ROBO2: variants seen among roughly 807,000 people sequenced by gnomAD.
ROBO2 encodes the protein roundabout homolog 2.
ROBO2 carries 53 observed loss-of-function variants against 160.8 expected under a neutral mutation model. The ratio of observed to expected loss-of-function variants is 0.33; its 90% confidence interval spans 0.26 to 0.41. The LOEUF (loss-of-function observed/expected upper bound fraction) is 0.41, where lower values mean the gene tolerates loss of function less well. ROBO2 is among the 10% of genes least tolerant of loss of function. ROBO2 has a pLI of 1.00. For synonymous variants in ROBO2, 664 were observed against 611.7 expected (o/e 1.09, Z -1.26); for missense variants, 1,577 against 1,722.4 (o/e 0.92, Z 1.49).
At chr3:76,382,590 A>C (rs1185142957) in intron 2 of ROBO2, among the ~76,000 whole-genome samples, 1 of 152,230 alleles carries the variant, frequency 6.6e-6, no homozygotes, top group African/African-American at 2.4e-5. Flanking sequence ...CCGTCTCAAA[A>C]ACAAACAAAC....
chr3:76,918,222 C>T (rs571874510), intron 2 of ROBO2, among the ~76,000 whole-genome samples: 1 of 152,174 alleles, frequency 6.6e-6, no homozygotes, highest in East Asian at 1.9e-4. Flanking sequence ...CATTGGATCA[C>T]GGAGGTGGTT....
chr3:76,236,095 T>A (rs1347742902), intron 2 of ROBO2, among the ~76,000 whole-genome samples: 1 of 152,154 alleles, frequency 6.6e-6, no homozygotes, highest in African/African-American at 2.4e-5. Context: ...CAGTTATGTT[T>A]TTTTGTTCTA....
At chr3:76,000,684 G>A (rs1213983981) in intron 2 of ROBO2, among the ~76,000 whole-genome samples, 2 of 151,730 alleles carry the variant, frequency 1.3e-5, no homozygotes, top group Non-Finnish European at 2.9e-5. Context: ...TAGAAATGGG[G>A]TTTCACCGTG....
intron 2 of ROBO2, among the ~76,000 whole-genome samples, chr3:77,413,467 G>A (rs1017146980): frequency 2.0e-5 from 3 of 152,108 alleles, no homozygotes; most frequent in South Asian, 2.1e-4. Flanking sequence ...GATGCTAAGC[G>A]AGACAGGAAT....
In ROBO2 at chr3:77,294,788, A is replaced by T. The variant is rs996819960; in HGVS notation, c.389-182626A>T. ...AGACACAAAGTAAAATTGACGGTTA[A>T]ACGGGTAAGCTGAGGCTAGATCACC... On this transcript the variant is annotated intron_variant, in intron 2 of 25. Coordinates refer to ENST00000461745, the Ensembl canonical transcript of ROBO2. 2.0e-4 allele frequency among the ~76,000 whole-genome samples: 31 copies of T among 151,240 alleles called. No homozygotes were observed. The South Asian group carries it at 4.4e-3, about 21-fold the overall frequency.
rs146861085 is a variant in ROBO2, at chr3:76,050,472, T to C, written c.109+112870T>C. 1.8e-3 allele frequency among the ~76,000 whole-genome samples: 271 copies of C among 152,242 alleles called. 1 individual carries two copies. Among genetic ancestry groups the C allele is most frequent in the African/African-American group, 6.2e-3 (257 of 41,526 alleles). ...AGATGGCGTATTGGGGGCTTCACCT[T>C]ATGATCATGTGAGTCAATTCTCCTA... On this transcript the variant is annotated intron_variant, in intron 2 of 26. Coordinates refer to the ROBO2 transcript ENST00000487694.
At chr3:77,180,416 C>CTCTATATATA (rs1433740534) in intron 2 of ROBO2, among the ~76,000 whole-genome samples, 54 of 90,720 alleles carry the variant, frequency 6.0e-4, no homozygotes, top group African/African-American at 1.8e-3. Context: ...CTCTCTCTCT[C>CTCTATATATA]TATATATATA....
chr3:76,286,288 T>C (rs1256703024), intron 2 of ROBO2, among the ~76,000 whole-genome samples: 2 of 152,200 alleles, frequency 1.3e-5, no homozygotes, highest in East Asian at 1.9e-4. Flanking sequence ...ACTATATAGA[T>C]GAAACAGCAT....
chr3:77,295,541 C>G (rs1320548809), intron 2 of ROBO2, among the ~76,000 whole-genome samples: 1 of 143,258 alleles, frequency 7.0e-6, no homozygotes, highest in South Asian at 2.4e-4. Context: ...TAAGCTGAGG[C>G]TAGATCACCA....
At chr3:76,309,452 A>AT (rs539811526) in intron 2 of ROBO2, among the ~76,000 whole-genome samples, 18 of 152,002 alleles carry the variant, frequency 1.2e-4, no homozygotes, top group Middle Eastern at 3.4e-3. Context: ...TATTCCATTA[A>AT]TTTTTTTTGA....
chr3:76,598,151 G>A (rs1176675630), intron 2 of ROBO2, among the ~76,000 whole-genome samples: 7 of 150,316 alleles, frequency 4.7e-5, no homozygotes, highest in Non-Finnish European at 1.0e-4. Context: ...ATTACACTGA[G>A]TGAAAAAAAA....
intron 2 of ROBO2, among the ~76,000 whole-genome samples, chr3:76,239,688 A>G (rs1412577861): frequency 6.6e-6 from 1 of 152,192 alleles, no homozygotes; most frequent in African/African-American, 2.4e-5. Context: ...GATCAAGATT[A>G]CAAATTAAAG....
At chr3:76,178,682 C>T (rs1238951469) in intron 2 of ROBO2, among the ~76,000 whole-genome samples, 1 of 152,130 alleles carries the variant, frequency 6.6e-6, no homozygotes. Flanking sequence ...CAGTGGCTCA[C>T]GCCTGTAATC....
chr3:77,243,605 G>T (rs568075729), intron 2 of ROBO2, among the ~76,000 whole-genome samples: 3 of 152,266 alleles, frequency 2.0e-5, no homozygotes, highest in Admixed American at 2.0e-4. Context: ...ATGCATTGGT[G>T]CTTCGCAAAG....
At chr3:75,996,582 C>A (rs768985860) in intron 2 of ROBO2, among the ~76,000 whole-genome samples, 7 of 152,164 alleles carry the variant, frequency 4.6e-5, no homozygotes, top group Admixed American at 2.0e-4. Context: ...TCATTTAGGA[C>A]TTTCCTTATC....
intron 2 of ROBO2, among the ~76,000 whole-genome samples, chr3:75,962,117 G>A (rs1948938222): frequency 6.6e-6 from 1 of 151,546 alleles, no homozygotes; most frequent in Non-Finnish European, 1.5e-5. Context: ...CTCAAAATTA[G>A]AGAAGTTTCT....
chr3:77,522,872 A>T (rs763843320), exon 6 of ROBO2: 1 of 1,609,644 alleles, frequency 6.2e-7, no homozygotes, highest in South Asian at 1.1e-5. Flanking sequence ...GGTTGGAAAA[A>T]TGGAAGCCTC....
intron 2 of ROBO2, among the ~76,000 whole-genome samples, chr3:76,096,367 T>A (rs954114418): frequency 6.6e-6 from 1 of 151,990 alleles, no homozygotes; most frequent in African/African-American, 2.4e-5. Context: ...AACTAATCTT[T>A]AAAAAAAATC....
At chr3:77,180,229 T>A (rs1200510258) in intron 2 of ROBO2, among the ~76,000 whole-genome samples, 15 of 151,808 alleles carry the variant, frequency 9.9e-5, no homozygotes, top group Admixed American at 9.9e-4. Context: ...AAATTCTATG[T>A]TGCAGCCCAA....
Sources: gnomAD v4.1 joint callset for allele counts (sites outside exome capture counted in the v4.1 genomes callset) on GRCh38, gnomAD v4.1.1 for gene constraint, MANE v1.5 for transcripts, NCBI Gene and HGNC (gene_info 2026-07-23, HGNC 2026-07-21) for gene names.